ANO4: variants seen among roughly 807,000 people sequenced by gnomAD.
ANO4 encodes the protein anoctamin 4, also known as anoctamin-4.
ANO4 carries 69 observed loss-of-function variants against 141.9 expected under a neutral mutation model. The observed-to-expected ratio is 0.49, with a 90% CI of 0.40 to 0.59. The LOEUF is 0.59. Ranked by LOEUF, ANO4 falls within the 20% of genes least tolerant of loss-of-function variation. The probability of loss-of-function intolerance (pLI) is 0.00; values close to 1 mark genes in which losing one functional copy is unlikely to be tolerated. For missense variants in ANO4, 894 were observed against 1,162.2 expected (o/e 0.77, Z 3.36); for synonymous variants, 350 against 394.3 (o/e 0.89, Z 1.33).
chr12:101,086,936 G>T, intron 17 of ANO4, 112 bp downstream of exon 17: 1 of 1,242,446 alleles, frequency 8.0e-7, no homozygotes. Flanking sequence ...CATTCACATA[G>T]CACTGATGTC....
At chr12:100,775,914 A>G (rs1205208116) in intron 3 of ANO4, among the ~76,000 whole-genome samples, 1 of 151,192 alleles carries the variant, frequency 6.6e-6, no homozygotes, top group Non-Finnish European at 1.5e-5. Flanking sequence ...CTTTTTTTTA[A>G]TTTGCAGTCT....
At chr12:101,111,225 G>A (rs1191051503) in intron 23 of ANO4, among the ~76,000 whole-genome samples, 1 of 152,188 alleles carries the variant, frequency 6.6e-6, no homozygotes, top group Non-Finnish European at 1.5e-5. Context: ...TGAACAGAAG[G>A]GACCAAATCC....
intron 8 of ANO4, among the ~76,000 whole-genome samples, chr12:100,998,813 T>G (rs1372054760): frequency 6.6e-6 from 1 of 152,188 alleles, no homozygotes; most frequent in Non-Finnish European, 1.5e-5. Context: ...AAACTCAATT[T>G]CAGAAAAGGT....
intron 7 of ANO4, among the ~76,000 whole-genome samples, chr12:100,981,843 T>C (rs1292300756): frequency 6.6e-6 from 1 of 152,162 alleles, no homozygotes; most frequent in Non-Finnish European, 1.5e-5. Flanking sequence ...CCTTTGCACA[T>C]ATGTGGCCTT....
At chr12:100,861,107 C>A (rs2038450163) in intron 1 of ANO4, among the ~76,000 whole-genome samples, 1 of 152,160 alleles carries the variant, frequency 6.6e-6, no homozygotes, top group South Asian at 2.1e-4. Flanking sequence ...CCATGTCCTG[C>A]TGATTGGTCC....
chr12:100,807,550 G>A (rs947877784), intron 1 of ANO4, among the ~76,000 whole-genome samples: 2 of 152,060 alleles, frequency 1.3e-5, no homozygotes, highest in African/African-American at 4.8e-5. Flanking sequence ...TAAATTTATA[G>A]CTTAATCTAG....
chr12:101,090,851 T>C (rs971589938), intron 17 of ANO4, among the ~76,000 whole-genome samples: 22 of 152,136 alleles, frequency 1.4e-4, no homozygotes, highest in Non-Finnish European at 4.4e-5. Flanking sequence ...AAACACTTCA[T>C]TTAACTGGAA....
chr12:100,750,877 G>A (rs1279982832), intron 3 of ANO4, among the ~76,000 whole-genome samples: 1 of 152,164 alleles, frequency 6.6e-6, no homozygotes, highest in Non-Finnish European at 1.5e-5. Flanking sequence ...AATAGATTTT[G>A]AGCCAGAGAT....
chr12:100,898,962 C>G (rs938994951), intron 1 of ANO4, among the ~76,000 whole-genome samples: 1 of 152,164 alleles, frequency 6.6e-6, no homozygotes, highest in Non-Finnish European at 1.5e-5. Context: ...TCCGTGGAAA[C>G]AGGGAACATG....
chr12:100,830,477 AAGACCT>A (rs1490040960), intron 1 of ANO4, among the ~76,000 whole-genome samples: 17 of 152,196 alleles, frequency 1.1e-4, no homozygotes, highest in African/African-American at 3.4e-4. Flanking sequence ...TTCGTTGAGT[AAGACCT>A]AGACAGATTA....
chr12:100,822,544 C>T (rs527840408), intron 1 of ANO4, among the ~76,000 whole-genome samples: 6 of 152,084 alleles, frequency 3.9e-5, no homozygotes, highest in Middle Eastern at 3.4e-3. Context: ...CATACACACA[C>T]GCACAGGGCG....
At chr12:100,736,228 A>T (rs183260064) in intron 2 of ANO4, among the ~76,000 whole-genome samples, 1 of 152,166 alleles carries the variant, frequency 6.6e-6, no homozygotes, top group African/African-American at 2.4e-5. Flanking sequence ...GCTTTTTTCA[A>T]TGAAAATGGA....
At chr12:100,811,627 A>T (rs1417522701) in intron 1 of ANO4, among the ~76,000 whole-genome samples, 1 of 152,142 alleles carries the variant, frequency 6.6e-6, no homozygotes, top group African/African-American at 2.4e-5. Flanking sequence ...TGTGAGATGA[A>T]ATCAGAACTG....
intron 1 of ANO4, among the ~76,000 whole-genome samples, chr12:100,888,596 G>A (rs1294584939): frequency 6.6e-6 from 1 of 152,254 alleles, no homozygotes; most frequent in Non-Finnish European, 1.5e-5. Flanking sequence ...CCAACCTTTA[G>A]CTCCTTCTTG....
At chr12:100,950,591 G>C (rs1044015267) in intron 5 of ANO4, among the ~76,000 whole-genome samples, 1 of 152,210 alleles carries the variant, frequency 6.6e-6, no homozygotes, top group African/African-American at 2.4e-5. Flanking sequence ...GGGCATGAGA[G>C]GAGCAGAAGA....
At chr12:100,756,657 T>C (rs1413138521) in intron 3 of ANO4, among the ~76,000 whole-genome samples, 1 of 152,164 alleles carries the variant, frequency 6.6e-6, no homozygotes, top group Non-Finnish European at 1.5e-5. Context: ...CTCAACTTGT[T>C]TTTTTCACTT....
At chr12:101,000,138 A>G (rs1322893793) in intron 8 of ANO4, among the ~76,000 whole-genome samples, 2 of 152,090 alleles carry the variant, frequency 1.3e-5, no homozygotes, top group Non-Finnish European at 2.9e-5. Flanking sequence ...TATCATTATT[A>G]CCACAAACCA....
At chr12:100,907,872 GAGTATTCCATT>G (rs1414884364) in intron 2 of ANO4, among the ~76,000 whole-genome samples, 4 of 152,290 alleles carry the variant, frequency 2.6e-5, no homozygotes, top group African/African-American at 9.6e-5. Flanking sequence ...GCCCAGAATT[GAGTATTCCATT>G]AAAGTCAAAC....
chr12:100,753,670 AT>A (rs1258844479), intron 3 of ANO4, among the ~76,000 whole-genome samples: 1 of 151,946 alleles, frequency 6.6e-6, no homozygotes, highest in Non-Finnish European at 1.5e-5. Flanking sequence ...TTTTTCTCCC[AT>A]TTTTCAGTTC....
Sources: allele counts gnomAD v4.1 joint callset (sites outside exome capture counted in the v4.1 genomes callset), GRCh38; gene constraint gnomAD v4.1.1; transcripts MANE v1.5; gene names NCBI Gene and HGNC (gene_info 2026-07-23, HGNC 2026-07-21).